Variants in SCN8A observed in about 807,000 individuals in gnomAD.
The protein encoded by SCN8A is sodium voltage-gated channel alpha subunit 8, also known as sodium channel protein type 8 subunit alpha.
Under a neutral mutation model 184.1 loss-of-function variants are expected in SCN8A, and 30 were observed. The observed-to-expected ratio is 0.16, with a 90% confidence interval of 0.12 to 0.22. SCN8A has a LOEUF of 0.22. Ranked by LOEUF, SCN8A falls within the 10% of genes least tolerant of loss-of-function variation. The pLI is 1.00. For missense variants in SCN8A, 1,057 were observed against 2,498.9 expected (o/e 0.42, Z 12.30); for synonymous variants, 852 against 907.0 (o/e 0.94, Z 1.09).
At chr12:51,692,122 C>T (rs1403776994) in intron 6 of SCN8A, among the ~76,000 whole-genome samples, 2 of 152,228 alleles carry the variant, frequency 1.3e-5, no homozygotes, top group South Asian at 2.1e-4. Context: ...TTTGTCTTCT[C>T]CTCTTCCCAG....
chr12:51,621,739 G>A (rs1446175194), intron 1 of SCN8A, among the ~76,000 whole-genome samples: 2 of 152,182 alleles, frequency 1.3e-5, no homozygotes, highest in African/African-American at 4.8e-5. Flanking sequence ...GGCAGTCTAG[G>A]GTCCAGACCA....
intron 2 of SCN8A, among the ~76,000 whole-genome samples, chr12:51,676,411 A>T (rs1941223499): frequency 6.6e-6 from 1 of 152,208 alleles, no homozygotes; most frequent in African/African-American, 2.4e-5. Flanking sequence ...TCCTAGCCTG[A>T]TATAGAATCT....
At chr12:51,793,047 C>G (rs1054340779) in intron 25 of SCN8A, among the ~76,000 whole-genome samples, 6 of 152,106 alleles carry the variant, frequency 3.9e-5, no homozygotes, top group Non-Finnish European at 8.8e-5. Context: ...CCGCACCTGG[C>G]CATGATCCAT....
intron 1 of SCN8A, among the ~76,000 whole-genome samples, chr12:51,642,611 A>G (rs903556830): frequency 3.3e-5 from 5 of 151,958 alleles, no homozygotes; most frequent in Non-Finnish European, 7.4e-5. Flanking sequence ...GTATTTTTAT[A>G]TTTATAGTTG....
chr12:51,758,933 G>A (rs1039501163), intron 14 of SCN8A, among the ~76,000 whole-genome samples: 5 of 151,556 alleles, frequency 3.3e-5, no homozygotes, highest in Non-Finnish European at 7.4e-5. Flanking sequence ...ATAGTACCAA[G>A]CCATACACAC....
intron 1 of SCN8A, among the ~76,000 whole-genome samples, chr12:51,598,314 T>C (rs572673385): frequency 9.2e-5 from 14 of 152,258 alleles, no homozygotes; most frequent in Non-Finnish European, 1.8e-4. Flanking sequence ...AACAATTCCT[T>C]TGGGTACACC....
chr12:51,610,409 C>T (rs116986814), intron 1 of SCN8A, among the ~76,000 whole-genome samples: 5,763 of 152,164 alleles, frequency 0.038, 143 homozygotes, highest in Non-Finnish European at 0.055. Context: ...TTGCATTCAT[C>T]GTGCATTTGT....
intron 1 of SCN8A, among the ~76,000 whole-genome samples, chr12:51,646,478 T>C (rs2138643093): frequency 6.6e-6 from 1 of 152,308 alleles, no homozygotes; most frequent in South Asian, 2.1e-4. Context: ...AGTACAACAA[T>C]GTGAATGTAT....
At chr12:51,743,157 T>C (rs1942454928) in intron 12 of SCN8A, among the ~76,000 whole-genome samples, 1 of 152,226 alleles carries the variant, frequency 6.6e-6, no homozygotes, top group Non-Finnish European at 1.5e-5. Context: ...TATAGTTCTT[T>C]TGAATTCCCT....
At chr12:51,650,646 G>A (rs989468779) in intron 1 of SCN8A, among the ~76,000 whole-genome samples, 4 of 151,694 alleles carry the variant, frequency 2.6e-5, no homozygotes, top group Non-Finnish European at 5.9e-5. Context: ...CAAAATCTCT[G>A]CAGCACTGTG....
chr12:51,664,302 G>T (rs1030748195), intron 2 of SCN8A, among the ~76,000 whole-genome samples: 2 of 151,754 alleles, frequency 1.3e-5, no homozygotes, highest in African/African-American at 4.8e-5. Context: ...CTGCTTCCTG[G>T]GTTCAAGCGA....
intron 20 of SCN8A, among the ~76,000 whole-genome samples, chr12:51,778,472 A>G (rs1937781662): frequency 6.6e-6 from 1 of 152,092 alleles, no homozygotes; most frequent in Admixed American, 6.5e-5. Flanking sequence ...TATTTTTAGT[A>G]GAGACGGGGT....
chr12:51,764,885 A>T (rs755382268), intron 15 of SCN8A, among the ~76,000 whole-genome samples: 2 of 149,646 alleles, frequency 1.3e-5, no homozygotes, highest in Non-Finnish European at 3.0e-5. Context: ...AGTGATTGTC[A>T]TGCCTCAGCC....
intron 2 of SCN8A, among the ~76,000 whole-genome samples, chr12:51,680,630 C>G (rs1941313339): frequency 6.6e-6 from 1 of 152,202 alleles, no homozygotes; most frequent in South Asian, 2.1e-4. Context: ...GAAATACCCT[C>G]CATGCTACCT....
At chr12:51,753,564 T>G (rs1942628036) in intron 14 of SCN8A, among the ~76,000 whole-genome samples, 1 of 152,216 alleles carries the variant, frequency 6.6e-6, no homozygotes, top group African/African-American at 2.4e-5. Context: ...TATACTTTGT[T>G]GCCAATCAAC....
At chr12:51,713,197 G>A in intron 11 of SCN8A, 1 of 1,168,500 alleles carries the variant, frequency 8.6e-7, no homozygotes, top group South Asian at 1.2e-5. Context: ...ATATTCCTTT[G>A]TATCTTCTGT....
intron 1 of SCN8A, among the ~76,000 whole-genome samples, chr12:51,604,973 T>A (rs1939554915): frequency 6.6e-6 from 1 of 152,114 alleles, no homozygotes; most frequent in South Asian, 2.1e-4. Flanking sequence ...CTGATGGGTG[T>A]TTTTTTGTTT....
At chr12:51,644,792 GCACCTCTTCC>G (rs1940530269) in intron 1 of SCN8A, among the ~76,000 whole-genome samples, 1 of 151,754 alleles carries the variant, frequency 6.6e-6, no homozygotes, top group Non-Finnish European at 1.5e-5. Flanking sequence ...GAAGTGAGGA[GCACCTCTTCC>G]CGGCCGCCAT....
intron 1 of SCN8A, among the ~76,000 whole-genome samples, chr12:51,617,258 CCATGGGT>C (rs1369107071): frequency 6.6e-6 from 1 of 152,046 alleles, no homozygotes; most frequent in African/African-American, 2.4e-5. Context: ...TGGTGTTGTC[CCATGGGT>C]CATTGAGATT....
Sources: gnomAD v4.1 joint callset for allele counts (sites outside exome capture counted in the v4.1 genomes callset) on GRCh38, gnomAD v4.1.1 for gene constraint, MANE v1.5 for transcripts, NCBI Gene and HGNC (gene_info 2026-07-23, HGNC 2026-07-21) for gene names.